Variants in CSMD1 observed in about 807,000 individuals in gnomAD.
CSMD1 encodes the protein CUB and Sushi multiple domains 1, also known as CUB and sushi domain-containing protein 1.
A neutral mutation model predicts 417.5 loss-of-function variants in CSMD1; 213 were observed. That is an observed-to-expected ratio of 0.51 (90% CI 0.46 to 0.57). CSMD1 has a LOEUF of 0.57. Ranked by LOEUF, CSMD1 falls within the 20% of genes least tolerant of loss-of-function variation. The pLI is 0.00. For missense variants in CSMD1, 6,923 were observed against 4,529.7 expected (o/e 1.53, Z -15.17); for synonymous variants, 2,862 against 1,736.8 (o/e 1.65, Z -16.11).
At chr8:4,001,896 GA>G (rs145213672) in intron 4 of CSMD1, among the ~76,000 whole-genome samples, 15 of 149,606 alleles carry the variant, frequency 1.0e-4, no homozygotes, top group East Asian at 9.8e-4. Flanking sequence ...TAGCACAGAG[GA>G]AAAAAAAAAT....
At chr8:4,079,737 T>C (rs1223735855) in intron 3 of CSMD1, among the ~76,000 whole-genome samples, 2 of 152,178 alleles carry the variant, frequency 1.3e-5, no homozygotes, top group Non-Finnish European at 2.9e-5. Context: ...ATGGATATTT[T>C]TGTAGTGATG....
intron 5 of CSMD1, among the ~76,000 whole-genome samples, chr8:3,941,863 G>A (rs1404446581): frequency 6.6e-6 from 1 of 152,092 alleles, no homozygotes; most frequent in Non-Finnish European, 1.5e-5. Flanking sequence ...CCCAACCCTG[G>A]CTATGGGCCA....
intron 1 of CSMD1, among the ~76,000 whole-genome samples, chr8:4,745,271 G>A (rs559307805): frequency 1.3e-5 from 2 of 152,122 alleles, no homozygotes; most frequent in Non-Finnish European, 2.9e-5. Context: ...TTTTCCTCTG[G>A]CAGAAAATTA....
At chr8:3,885,539 A>C (rs1457553529) in intron 5 of CSMD1, among the ~76,000 whole-genome samples, 1 of 152,178 alleles carries the variant, frequency 6.6e-6, no homozygotes, top group Non-Finnish European at 1.5e-5. Flanking sequence ...ATACTAGGGA[A>C]AAAAGAACTG....
chr8:4,021,624 T>G (rs1001285663), intron 4 of CSMD1, among the ~76,000 whole-genome samples: 3 of 152,170 alleles, frequency 2.0e-5, no homozygotes, highest in Admixed American at 2.0e-4. Context: ...CACATGTAGC[T>G]GCTCTTTTTA....
intron 2 of CSMD1, among the ~76,000 whole-genome samples, chr8:4,605,160 A>G (rs923705335): frequency 6.6e-6 from 1 of 152,228 alleles, no homozygotes; most frequent in African/African-American, 2.4e-5. Flanking sequence ...CAATTCTCAA[A>G]AAAGACAGAA....
chr8:4,234,886 G>A (rs953609832), intron 3 of CSMD1, among the ~76,000 whole-genome samples: 2 of 152,066 alleles, frequency 1.3e-5, no homozygotes, highest in Non-Finnish European at 2.9e-5. Flanking sequence ...CTCGGTGTGT[G>A]AACAAAAAAC....
At chr8:4,479,763 A>T (rs1800987780) in intron 2 of CSMD1, among the ~76,000 whole-genome samples, 1 of 151,846 alleles carries the variant, frequency 6.6e-6, no homozygotes, top group Admixed American at 6.6e-5. Context: ...CTTAGAAGCT[A>T]ATTCTCTACT....
intron 26 of CSMD1, among the ~76,000 whole-genome samples, chr8:3,277,097 A>G (rs1802348913): frequency 6.6e-6 from 1 of 152,146 alleles, no homozygotes; most frequent in African/African-American, 2.4e-5. Context: ...ACAGGAACAC[A>G]CATCCAAGCT....
At chr8:3,068,759 T>A (rs1813122116) in intron 49 of CSMD1, among the ~76,000 whole-genome samples, 1 of 152,118 alleles carries the variant, frequency 6.6e-6, no homozygotes, top group Non-Finnish European at 1.5e-5. Flanking sequence ...GAACTCACTA[T>A]CATGAAGACA....
At chr8:4,912,607 G>C (rs10086880) in intron 1 of CSMD1, among the ~76,000 whole-genome samples, 40,194 of 152,064 alleles carry the variant, frequency 0.26, 5,929 homozygotes, top group East Asian at 0.52. Flanking sequence ...TCCTATTTTA[G>C]CTCAAGTTTG....
rs980604172 is a variant in CSMD1 at position 4,510,587 on chromosome 8, G to A, written c.303-90522C>T. Among the ~76,000 whole-genome samples the A allele has an allele frequency of 3.9e-5, 5 of 127,858 alleles. No individual in the cohort carries two copies. The East Asian group carries it at 7.2e-4, about 18-fold the overall frequency. The allele number at this position is 127,858 out of a possible 152,430, so 83.9% of individuals were successfully genotyped here. ...CCCTTCCCTCTTCCCTTCCCTCCTC[G>A]CTTCCTTCCTTCTTGCCTTCCTTCC... On this transcript the variant is annotated intron_variant, in intron 2 of 69. Transcript: ENST00000635120.
chr8:3,229,413 C>T (rs1222374245), intron 27 of CSMD1, among the ~76,000 whole-genome samples: 3 of 152,092 alleles, frequency 2.0e-5, no homozygotes, highest in African/African-American at 7.2e-5. Flanking sequence ...TACTATTTTA[C>T]ATAAAATATA....
At chr8:4,236,055 T>TTTTTTTTG (rs1802037623) in intron 3 of CSMD1, among the ~76,000 whole-genome samples, 5 of 83,748 alleles carry the variant, frequency 6.0e-5, no homozygotes, top group Admixed American at 1.1e-4. Flanking sequence ...TTTTTTTTTT[T>TTTTTTTTG]TTTTTTTTTT....
intron 1 of CSMD1, among the ~76,000 whole-genome samples, chr8:4,659,720 T>C (rs1286985286): frequency 1.3e-5 from 2 of 152,074 alleles, no homozygotes; most frequent in African/African-American, 2.4e-5. Context: ...CAGATGGAGG[T>C]GGTAGTTATA....
intron 1 of CSMD1, among the ~76,000 whole-genome samples, chr8:4,638,249 G>C (rs1563358094): frequency 2.6e-5 from 4 of 151,970 alleles, no homozygotes; most frequent in Non-Finnish European, 5.9e-5. Flanking sequence ...TGGAAACTAA[G>C]TTACAGAAGA....
chr8:4,428,157 T>C (rs894639814), intron 2 of CSMD1, among the ~76,000 whole-genome samples: 4 of 152,224 alleles, frequency 2.6e-5, no homozygotes, highest in Admixed American at 2.0e-4. Context: ...CACATCTATG[T>C]GAATCTGGCT....
intron 10 of CSMD1, among the ~76,000 whole-genome samples, chr8:3,550,562 C>T (rs1221374595): frequency 6.6e-6 from 1 of 152,184 alleles, no homozygotes; most frequent in Non-Finnish European, 1.5e-5. Flanking sequence ...GCATCTCAAA[C>T]ACTTATCTTA....
intron 1 of CSMD1, among the ~76,000 whole-genome samples, chr8:4,930,030 CAG>C (rs1807141666): frequency 6.6e-6 from 1 of 152,176 alleles, no homozygotes; most frequent in Non-Finnish European, 1.5e-5. Flanking sequence ...AAGAAAGGAA[CAG>C]GGGTGCACGG....
Sources: allele counts gnomAD v4.1 joint callset (sites outside exome capture counted in the v4.1 genomes callset), GRCh38; gene constraint gnomAD v4.1.1; transcripts MANE v1.5; gene names NCBI Gene and HGNC (gene_info 2026-07-23, HGNC 2026-07-21).